ELAVL4: variants seen among roughly 807,000 people sequenced by gnomAD.
The protein encoded by ELAVL4 is ELAV like RNA binding protein 4.
Under a neutral mutation model 35.6 loss-of-function variants are expected in ELAVL4, and 1 was observed. That is an observed-to-expected ratio of 0.03 (90% CI 0.01 to 0.13). The LOEUF is 0.13. ELAVL4 is among the 10% of genes least tolerant of loss of function. The pLI is 1.00. For synonymous variants in ELAVL4, 156 were observed against 171.0 expected (o/e 0.91, Z 0.69); for missense variants, 267 against 464.9 (o/e 0.57, Z 3.91).
intron 1 of ELAVL4, among the ~76,000 whole-genome samples, chr1:50,077,505 C>CT (rs1378929179): frequency 6.6e-6 from 1 of 152,110 alleles, no homozygotes; most frequent in South Asian, 2.1e-4. Flanking sequence ...GGGCAAATGA[C>CT]TTTTTTCCGT....
rs1673402657 is a variant in ELAVL4 at position 50,144,793 on chromosome 1, G to A, written c.10-164G>A. 3.9e-6 allele frequency: 4 copies of A among 1,035,706 alleles called. No individual in the cohort carries two copies. The East Asian group carries it at 7.1e-5, about 18-fold the overall frequency. 64.2% of individuals were successfully genotyped at this position (1,035,706 alleles called of 1,614,324 possible). On this transcript the variant is annotated intron_variant, in intron 1 of 6. Transcript: ENST00000371824. ...AATAGAAAGAGGAGTTTAACATTTTGGTTAAAAACATGCTTCTAAATTGGC... is the reference window on the plus strand; with the variant it reads ...AATAGAAAGAGGAGTTTAACATTTTAGTTAAAAACATGCTTCTAAATTGGC...
At chr1:50,135,470 T>C (rs991256592) in intron 1 of ELAVL4, among the ~76,000 whole-genome samples, 1 of 152,136 alleles carries the variant, frequency 6.6e-6, no homozygotes, top group Non-Finnish European at 1.5e-5. Context: ...GGATATACAA[T>C]TGATTTTAAT....
intron 2 of ELAVL4, among the ~76,000 whole-genome samples, chr1:50,152,683 A>G (rs1675004932): frequency 6.6e-6 from 1 of 152,050 alleles, no homozygotes; most frequent in African/African-American, 2.4e-5. Flanking sequence ...CCCATTCCAC[A>G]TCTCCCTGAC....
chr1:50,147,513 T>C (rs1673933649), intron 2 of ELAVL4, among the ~76,000 whole-genome samples: 1 of 150,152 alleles, frequency 6.7e-6, no homozygotes, highest in African/African-American at 2.5e-5. Context: ...GGGGAAGGAG[T>C]GGGAATTGCT....
intron 1 of ELAVL4, chr1:50,109,943 G>A: frequency 6.2e-7 from 1 of 1,612,396 alleles, no homozygotes; most frequent in Non-Finnish European, 8.5e-7. Flanking sequence ...GATCACAGAT[G>A]GAGTGGAATG....
chr1:50,070,080 A>C (rs1453114813), intron 1 of ELAVL4, among the ~76,000 whole-genome samples: 1 of 152,082 alleles, frequency 6.6e-6, no homozygotes, highest in Non-Finnish European at 1.5e-5. Flanking sequence ...TATATTTGCC[A>C]CTCCTGGATT....
At chr1:50,141,731 T>C (rs1291868328) in intron 1 of ELAVL4, 2 of 152,266 alleles carry the variant, frequency 1.3e-5, no homozygotes, top group Non-Finnish European at 2.9e-5. Flanking sequence ...TTTAAGATTC[T>C]TCTCAGAAGC....
chr1:50,069,641 C>A (rs1326475639), intron 1 of ELAVL4, among the ~76,000 whole-genome samples: 2 of 152,212 alleles, frequency 1.3e-5, no homozygotes, highest in Admixed American at 1.3e-4. Context: ...TTGTTAACCT[C>A]ACCATCCTTG....
At chr1:50,170,256 A>G (rs886765266) in intron 2 of ELAVL4, among the ~76,000 whole-genome samples, 4 of 152,226 alleles carry the variant, frequency 2.6e-5, no homozygotes, top group Non-Finnish European at 5.9e-5. Flanking sequence ...TAATCCTCCT[A>G]TTAACCCCTT....
intron 2 of ELAVL4, among the ~76,000 whole-genome samples, chr1:50,149,461 G>C (rs561433398): frequency 6.6e-6 from 1 of 150,970 alleles, no homozygotes; most frequent in Admixed American, 6.6e-5. Context: ...TATTTACATT[G>C]TGTGATTATT....
upstream of ELAVL4, among the ~76,000 whole-genome samples, chr1:50,106,675 C>T (rs549183828): frequency 5.3e-5 from 8 of 152,248 alleles, no homozygotes; most frequent in South Asian, 1.7e-3. Context: ...CTTTTCCCAA[C>T]AATAGGATTC....
chr1:50,062,836 G>A (rs1285912142), intron 1 of ELAVL4, among the ~76,000 whole-genome samples: 6 of 151,966 alleles, frequency 3.9e-5, no homozygotes, highest in Non-Finnish European at 5.9e-5. Context: ...CTTGCTTCCC[G>A]ATGATACAAA....
chr1:50,139,665 T>C (rs3902720), intron 1 of ELAVL4, among the ~76,000 whole-genome samples: 56,996 of 151,960 alleles, frequency 0.38, 11,288 homozygotes, highest in East Asian at 0.77. Flanking sequence ...CTTGGGTAGA[T>C]AAAAGGAGCC....
Position 50,172,232 on chromosome 1 carries a change from G to A in ELAVL4, c.251-4857G>A, listed in dbSNP as rs377500335. 4.6e-5 allele frequency among the ~76,000 whole-genome samples: 7 copies of A among 152,082 alleles called. No individual in the cohort carries two copies. In the East Asian group the frequency reaches 7.7e-4, roughly 17 times the overall value. ...GATCCTAAAGGCAAGGAAAAGCTAC[G>A]TCTATCCAGAATGGCTGGGAAAATA... is the stretch of plus-strand genomic sequence containing the variant. On this transcript the variant is annotated intron_variant, in intron 2 of 6. Coordinates refer to ENST00000371824, the MANE Select transcript of ELAVL4 (RefSeq NM_001144774.3).
chr1:50,169,827 T>C (rs1678662265), intron 2 of ELAVL4, among the ~76,000 whole-genome samples: 1 of 152,242 alleles, frequency 6.6e-6, no homozygotes, highest in Non-Finnish European at 1.5e-5. Context: ...TCTGTTCTTA[T>C]ATATAGCTTT....
At chr1:50,067,411 A>C (rs1292473292) in intron 1 of ELAVL4, among the ~76,000 whole-genome samples, 4 of 152,216 alleles carry the variant, frequency 2.6e-5, no homozygotes, top group Non-Finnish European at 5.9e-5. Context: ...ACTCTACCTC[A>C]AGTGTCCAGA....
intron 1 of ELAVL4, among the ~76,000 whole-genome samples, chr1:50,089,943 G>A (rs1423042287): frequency 1.3e-5 from 2 of 152,112 alleles, no homozygotes; most frequent in South Asian, 2.1e-4. Flanking sequence ...GAAACTCAAC[G>A]CCTAAGAGAT....
intron 1 of ELAVL4, among the ~76,000 whole-genome samples, chr1:50,144,283 C>T (rs941249171): frequency 7.9e-5 from 12 of 151,904 alleles, no homozygotes; most frequent in African/African-American, 4.8e-5. Context: ...CTGGACCTAA[C>T]GTGGAGACCT....
intron 2 of ELAVL4, among the ~76,000 whole-genome samples, chr1:50,146,677 A>G (rs1673787281): frequency 6.6e-6 from 1 of 152,164 alleles, no homozygotes; most frequent in Non-Finnish European, 1.5e-5. Flanking sequence ...GAAAGCCAAT[A>G]TTTAGATTCC....
Sources: gnomAD v4.1 joint callset for allele counts (sites outside exome capture counted in the v4.1 genomes callset) on GRCh38, gnomAD v4.1.1 for gene constraint, MANE v1.5 for transcripts, NCBI Gene and HGNC (gene_info 2026-07-23, HGNC 2026-07-21) for gene names.